KDM4C: variants seen among roughly 807,000 people sequenced by gnomAD.
KDM4C encodes the protein lysine-specific demethylase 4C.
Under a neutral mutation model 129.3 loss-of-function variants are expected in KDM4C, and 81 were observed. The observed-to-expected ratio is 0.63, with a 90% CI of 0.52 to 0.75. KDM4C has a LOEUF of 0.75. KDM4C is among the 30% of genes least tolerant of loss of function. KDM4C has a pLI of 0.00. For missense variants in KDM4C, 1,457 were observed against 1,304.0 expected (o/e 1.12, Z -1.81); for synonymous variants, 573 against 456.1 (o/e 1.26, Z -3.26).
At chr9:6,929,074 A>G (rs1298053997) in intron 8 of KDM4C, among the ~76,000 whole-genome samples, 2 of 152,196 alleles carry the variant, frequency 1.3e-5, no homozygotes, top group Admixed American at 1.3e-4. Context: ...CTACACTTCA[A>G]GGCTATCCCA....
At chr9:7,070,329 C>T (rs1833017380) in intron 17 of KDM4C, among the ~76,000 whole-genome samples, 1 of 152,132 alleles carries the variant, frequency 6.6e-6, no homozygotes, top group African/African-American at 2.4e-5. Flanking sequence ...GAAATTATAG[C>T]AGTTCTACCT....
In KDM4C at chr9:7,049,073, A is replaced by C. The variant is rs769054545; in HGVS notation, c.2316-19A>C. On this transcript the variant is annotated intron_variant, in intron 16 of 21. Transcript: ENST00000381309. ...GTTTAGGGAACTTTTGTTTATGTTT[A>C]ATGTCTCCTTTCCTGTAGGTGGGCC... The C allele has an allele frequency of 5.1e-6, 8 of 1,565,058 alleles. No homozygotes were observed. Among genetic ancestry groups the C allele is most frequent in the Non-Finnish European group, 5.3e-6 (6 of 1,137,958 alleles).
Position 7,024,847 on chromosome 9 carries a change from C to G in KDM4C, c.2259+8918C>G, listed in dbSNP as rs1394999622. The stretch of plus-strand genomic sequence containing the variant: ...GATTTATAATCCTTTGGGTATATAT[C>G]CAGTAATGGGATGGCTGGGTCAAAT... On this transcript the variant is annotated intron_variant, in intron 15 of 21. Coordinates refer to ENST00000381309, the MANE Select transcript of KDM4C (RefSeq NM_015061.6). 2.0e-5 allele frequency among the ~76,000 whole-genome samples: 3 copies of G among 152,086 alleles called. No homozygotes were observed. The East Asian group carries it at 5.8e-4, about 29-fold the overall frequency.
At chr9:6,837,176 G>C (rs1470975026) in intron 4 of KDM4C, among the ~76,000 whole-genome samples, 1 of 152,096 alleles carries the variant, frequency 6.6e-6, no homozygotes, top group Non-Finnish European at 1.5e-5. Context: ...TCCCACCTCA[G>C]CCTCCTGAGT....
At chr9:7,022,791 ATATATG>A in intron 15 of KDM4C, among the ~76,000 whole-genome samples, 1 of 152,164 alleles carries the variant, frequency 6.6e-6, no homozygotes, top group East Asian at 1.9e-4. Context: ...TGAGTTGGTC[ATATATG>A]GCTTTTATTG....
chr9:6,950,096 C>G (rs1464016863), intron 8 of KDM4C, among the ~76,000 whole-genome samples: 1 of 113,902 alleles, frequency 8.8e-6, no homozygotes, highest in Non-Finnish European at 1.7e-5. Context: ...TTTCCTCAAG[C>G]TTTATTGAGA....
intron 8 of KDM4C, among the ~76,000 whole-genome samples, chr9:6,919,287 CTT>C (rs1491535244): frequency 9.0e-5 from 7 of 78,042 alleles, no homozygotes; most frequent in South Asian, 9.1e-4. Flanking sequence ...CTCTCTCTCT[CTT>C]TCTTTCTTTC....
intron 21 of KDM4C, chr9:7,170,972 A>G (rs114894430): frequency 0.01 from 1,891 of 186,220 alleles, 45 homozygotes; most frequent in African/African-American, 0.043. Context: ...AAGCAAGTTT[A>G]CAGATTTGTG....
intron 4 of KDM4C, among the ~76,000 whole-genome samples, chr9:6,824,117 G>T (rs1833493934): frequency 6.6e-6 from 1 of 152,210 alleles, no homozygotes; most frequent in South Asian, 2.1e-4. Context: ...CTTTGATTTG[G>T]ACAGTGAATA....
chr9:6,782,023 C>G (rs1348513415), intron 1 of KDM4C, among the ~76,000 whole-genome samples: 1 of 151,968 alleles, frequency 6.6e-6, no homozygotes, highest in East Asian at 1.9e-4. Context: ...CAGGGTTTCA[C>G]CATGTTGGCC....
At chr9:6,925,492 C>A in intron 8 of KDM4C, 1 of 809,922 alleles carries the variant, frequency 1.2e-6, no homozygotes, top group Non-Finnish European at 1.5e-6. Context: ...GACATATTCT[C>A]ACCATCTTGC....
chr9:7,017,254 A>G (rs1033968356), intron 15 of KDM4C, among the ~76,000 whole-genome samples: 9 of 152,146 alleles, frequency 5.9e-5, no homozygotes, highest in Middle Eastern at 3.4e-3. Context: ...TAACTTTTCA[A>G]CTAGCATGAG....
At chr9:6,888,177 A>G (rs1845570133) in intron 7 of KDM4C, 114 bp downstream of exon 7, 1 of 485,670 alleles carries the variant, frequency 2.1e-6, no homozygotes, top group Non-Finnish European at 3.6e-6. Flanking sequence ...AGAGAAATTC[A>G]AATTTATGTT....
At chr9:6,914,313 A>T (rs1330885565) in intron 8 of KDM4C, among the ~76,000 whole-genome samples, 1 of 151,814 alleles carries the variant, frequency 6.6e-6, no homozygotes, top group Non-Finnish European at 1.5e-5. Context: ...CCTGCCTCTG[A>T]CTCCCAAAGT....
At chr9:7,093,068 T>C (rs1270075791) in intron 17 of KDM4C, among the ~76,000 whole-genome samples, 1 of 152,196 alleles carries the variant, frequency 6.6e-6, no homozygotes, top group Non-Finnish European at 1.5e-5. Context: ...CAATATCTGT[T>C]TGGAGTCAGT....
chr9:7,001,981 C>T (rs1820807935), intron 12 of KDM4C, among the ~76,000 whole-genome samples: 1 of 152,202 alleles, frequency 6.6e-6, no homozygotes, highest in Non-Finnish European at 1.5e-5. Context: ...CAGCATCCGC[C>T]TCCTGGGTTC....
chr9:6,948,529 C>A (rs571155243), intron 8 of KDM4C, among the ~76,000 whole-genome samples: 6 of 141,210 alleles, frequency 4.2e-5, no homozygotes, highest in Non-Finnish European at 9.0e-5. Context: ...GTGTTTCTCG[C>A]AGAGGGGGAT....
At chr9:6,757,688 A>G (rs3847264), upstream of KDM4C, 338,608 of 985,228 alleles carry the variant, frequency 0.34, 59,774 homozygotes, top group African/African-American at 0.56. Context: ...CGCGTGGACT[A>G]CATCAGGTCC....
chr9:6,806,914 C>G (rs867188947), intron 3 of KDM4C, among the ~76,000 whole-genome samples: 17 of 146,666 alleles, frequency 1.2e-4, no homozygotes, highest in Non-Finnish European at 1.7e-4. Flanking sequence ...CTCCCTCTCC[C>G]TCTCCGTCTC....
Sources: allele counts gnomAD v4.1 joint callset (sites outside exome capture counted in the v4.1 genomes callset), GRCh38; gene constraint gnomAD v4.1.1; transcripts MANE v1.5; gene names NCBI Gene and HGNC (gene_info 2026-07-23, HGNC 2026-07-21).